The following PCLO variants were observed in gnomAD, a reference collection of about 807,000 sequenced individuals.
PCLO encodes the protein piccolo presynaptic cytomatrix protein.
PCLO carries 82 observed loss-of-function variants against 427.5 expected under a neutral mutation model. That is an observed-to-expected ratio of 0.19 (90% confidence interval 0.16 to 0.23). The LOEUF is 0.23. Among genes scored for constraint, PCLO ranks in the 10% least tolerant of loss-of-function variants. The pLI is 1.00. For missense variants in PCLO, 6,239 were observed against 6,115.9 expected, an observed-to-expected ratio of 1.02 and a Z score of -0.67; for synonymous variants, 2,357 against 2,155.4, an observed-to-expected ratio of 1.09 and a Z score of -2.59.
chr7:82,951,273 T>C lies in PCLO; in HGVS notation c.9315A>G (p.Thr3105=), dbSNP rs1795340417. 6.2e-7 allele frequency: 1 copy of C among 1,613,504 alleles called. No individual in the cohort carries two copies. The highest frequency in any genetic ancestry group is 1.3e-5 in the African/African-American group (1 of 75,026). The part of the protein sequence containing the change: ...TPTPSTFAIT[T]QPGSIFSTTV... Reference sequence around the variant, plus strand: ...TGGTGCTGAAAATGGAGCCAGGTTGTGTGGTGATAGCAAATGTAGAGGGTG... The same window carrying C: ...TGGTGCTGAAAATGGAGCCAGGTTGCGTGGTGATAGCAAATGTAGAGGGTG... Residue 3105 remains threonine, a synonymous_variant, in exon 6 of 25, where the codon ACA becomes ACG. Transcript: ENST00000333891.
At chr7:83,113,023 A>T (rs1449863251) in intron 3 of PCLO, among the ~76,000 whole-genome samples, 1 of 152,238 alleles carries the variant, frequency 6.6e-6, no homozygotes, top group Non-Finnish European at 1.5e-5. Flanking sequence ...TAACAAGTAT[A>T]TCTTGATACC....
chr7:82,836,737 G>A (rs1450489128), intron 15 of PCLO, among the ~76,000 whole-genome samples: 1 of 151,980 alleles, frequency 6.6e-6, no homozygotes, highest in Admixed American at 6.6e-5. Flanking sequence ...TGCCTACCTC[G>A]GCTCTCAGGG....
chr7:82,818,019 A>C (rs1791712381), intron 20 of PCLO, among the ~76,000 whole-genome samples: 1 of 152,196 alleles, frequency 6.6e-6, no homozygotes, highest in Non-Finnish European at 1.5e-5. Context: ...ATAGTTTTCA[A>C]ACAAACCAAC....
chr7:83,020,346 T>G (rs1021966268), intron 3 of PCLO, among the ~76,000 whole-genome samples: 1 of 152,112 alleles, frequency 6.6e-6, no homozygotes, highest in African/African-American at 2.4e-5. Flanking sequence ...ATGGTTTGAA[T>G]GTGACCTCTC....
chr7:83,044,947 A>G (rs897847172), intron 3 of PCLO, among the ~76,000 whole-genome samples: 1 of 152,152 alleles, frequency 6.6e-6, no homozygotes, highest in African/African-American at 2.4e-5. Context: ...ATAATGATAT[A>G]ATAAAGTCAA....
At chr7:83,009,773 T>G (rs1788034612) in intron 3 of PCLO, among the ~76,000 whole-genome samples, 1 of 151,950 alleles carries the variant, frequency 6.6e-6, no homozygotes, top group African/African-American at 2.4e-5. Context: ...AAGACAAATG[T>G]TATTGGGTTC....
At chr7:82,852,167 G>C (rs1476974106) in intron 10 of PCLO, among the ~76,000 whole-genome samples, 1 of 152,112 alleles carries the variant, frequency 6.6e-6, no homozygotes, top group African/African-American at 2.4e-5. Flanking sequence ...GTCATAATAA[G>C]AGATTTAAAC....
At chr7:83,119,856 A>G (rs1257364343) in intron 3 of PCLO, among the ~76,000 whole-genome samples, 1 of 151,934 alleles carries the variant, frequency 6.6e-6, no homozygotes, top group Admixed American at 6.6e-5. Context: ...AGTAATTTAA[A>G]AAATCAAACA....
At chr7:82,959,830 G>T (rs1795615311) in intron 4 of PCLO, among the ~76,000 whole-genome samples, 1 of 152,048 alleles carries the variant, frequency 6.6e-6, no homozygotes, top group Admixed American at 6.6e-5. Flanking sequence ...TTATAAGGTG[G>T]CAAGTTGGCA....
chr7:83,112,621 G>C (rs937451863), intron 3 of PCLO, among the ~76,000 whole-genome samples: 65 of 152,166 alleles, frequency 4.3e-4, no homozygotes, highest in African/African-American at 1.5e-3. Context: ...GTTTTCTAAG[G>C]CTTTCCAAAG....
chr7:82,956,197 T>C lies in PCLO; in HGVS notation c.4756A>G (p.Ser1586Gly), dbSNP rs1211920600. The C allele has an allele frequency of 4.3e-6, 7 of 1,609,992 alleles. No individual in the cohort carries two copies. Among genetic ancestry groups the C allele is most frequent in the Non-Finnish European group, 5.9e-6 (7 of 1,179,820 alleles). The change falls in exon 5 of 25, where the codon AGT (serine) becomes GGT (glycine). Residue 1586 changes from serine to glycine, a missense_variant. Coordinates refer to ENST00000333891, the MANE Select transcript of PCLO (RefSeq NM_033026.6). ...TTCTTCTGGCTCTCAGTACTGCTAC[T>C]AATCTCTTTGAGCTGGTTTCTGATG... Reference protein sequence around the residue: ...EFIRNQLKEISSSTESQKKEE... With the variant: ...EFIRNQLKEIGSSTESQKKEE...
intron 3 of PCLO, among the ~76,000 whole-genome samples, chr7:83,059,354 T>TAAAA (rs1356917619): frequency 5.5e-5 from 5 of 90,428 alleles, no homozygotes; most frequent in African/African-American, 1.7e-4. Flanking sequence ...TATACACCTT[T>TAAAA]AAAATATATA....
intron 9 of PCLO, among the ~76,000 whole-genome samples, chr7:82,895,087 C>T (rs1018807511): frequency 2.6e-5 from 4 of 152,028 alleles, no homozygotes; most frequent in Non-Finnish European, 5.9e-5. Flanking sequence ...ATCAACAAAG[C>T]TTTGCAAATC....
At chr7:82,970,315 C>A (rs1795871994) in intron 3 of PCLO, among the ~76,000 whole-genome samples, 1 of 151,930 alleles carries the variant, frequency 6.6e-6, no homozygotes, top group Admixed American at 6.6e-5. Context: ...AAACTGTAAT[C>A]CAGTGAAGGT....
chr7:82,808,413 T>C (rs567576195), intron 20 of PCLO, among the ~76,000 whole-genome samples: 79 of 152,040 alleles, frequency 5.2e-4, no homozygotes, highest in African/African-American at 1.8e-3. Flanking sequence ...TTTAGTTCTA[T>C]TCCTCTTCTG....
At chr7:83,090,747 T>C (rs1425793432) in intron 3 of PCLO, among the ~76,000 whole-genome samples, 2 of 152,144 alleles carry the variant, frequency 1.3e-5, no homozygotes, top group Non-Finnish European at 2.9e-5. Flanking sequence ...TATTTTTAAA[T>C]TACATTTTTT....
At chr7:82,901,796 A>G (rs575444901) in intron 9 of PCLO, among the ~76,000 whole-genome samples, 26 of 152,188 alleles carry the variant, frequency 1.7e-4, no homozygotes, top group Non-Finnish European at 3.7e-4. Flanking sequence ...AAAACAAGAC[A>G]TTTATGCAGA....
chr7:82,819,723 C>A (rs374675700), intron 20 of PCLO, among the ~76,000 whole-genome samples: 3 of 151,890 alleles, frequency 2.0e-5, no homozygotes, highest in South Asian at 4.2e-4. Context: ...CTCTGTAATG[C>A]GACATATATC....
Position 82,755,641 on chromosome 7 carries a change from C to T in PCLO, c.*2934G>A, listed in dbSNP as rs1474016422. 1.3e-5 allele frequency: 2 copies of T among 151,848 alleles called. No individual in the cohort carries two copies. The highest frequency in any genetic ancestry group is 2.9e-5 in the Non-Finnish European group (2 of 67,956). The allele number at this position is 151,848 out of a possible 1,614,324, so 9.4% of individuals were successfully genotyped here. On this transcript the variant is annotated 3_prime_UTR_variant, in exon 25 of 25. Transcript: ENST00000333891. ...ACGTATTATATAGAGATTACAAACT[C>T]TGTCAGTATTAGAATAAAAAAAAGT...
Sources: gnomAD v4.1 joint callset for allele counts (sites outside exome capture counted in the v4.1 genomes callset) on GRCh38, gnomAD v4.1.1 for gene constraint, MANE v1.5 for transcripts, NCBI Gene and HGNC (gene_info 2026-07-23, HGNC 2026-07-21) for gene names.